Variants in DLEC1 observed in about 807,000 individuals in gnomAD.
DLEC1 encodes DLEC1 cilia and flagella associated protein, also known as deleted in lung and esophageal cancer protein 1.
DLEC1 carries 146 observed loss-of-function variants against 198.1 expected under a neutral mutation model. The ratio of observed to expected loss-of-function variants is 0.74; its 90% CI spans 0.64 to 0.85. The LOEUF is 0.85. Among genes scored for constraint, DLEC1 ranks in the 40% least tolerant of loss-of-function variants. DLEC1 has a pLI of 0.00. For missense variants in DLEC1, 2,233 were observed against 2,220.0 expected (o/e 1.01, Z -0.12); for synonymous variants, 897 against 866.8 (o/e 1.03, Z -0.61).
intron 10 of DLEC1, among the ~76,000 whole-genome samples, chr3:38,091,873 A>G (rs1182447230): frequency 6.6e-6 from 1 of 152,246 alleles, no homozygotes; most frequent in East Asian, 1.9e-4. Context: ...GAGGATGTAG[A>G]GAAAAGGGAA....
rs140518201 is a variant in DLEC1, at chr3:38,084,035, A to G, written c.1174-123A>G. 910 of 855,502 alleles carry G rather than the reference A, an allele frequency of 1.1e-3. 16 individuals are homozygous for G. The African/African-American group carries it at 0.014, about 13-fold the overall frequency. The allele number at this position is 855,502 out of a possible 1,614,324, so 53.0% of individuals were successfully genotyped here. On this transcript the variant is annotated intron_variant, in intron 6 of 36. Coordinates refer to ENST00000308059, the MANE Select transcript of DLEC1 (RefSeq NM_007335.4). ...TCAGCCAGCTTCGACAGTTACCAAC[A>G]TGTGGCCAAGCCTATTTCATTTCTA...
chr3:38,121,721 G>A lies in DLEC1; in HGVS notation c.4960G>A (p.Val1654Ile), dbSNP rs1180641516. The A allele has an allele frequency of 6.2e-7, 1 of 1,614,096 alleles. No homozygotes were observed. The highest frequency in any genetic ancestry group is 1.1e-5 in the South Asian group (1 of 91,090). The part of the protein sequence containing the change: ...FGTCFVSQQR[V>I]REVYLMNLSG... ...GACCTGCTTTGTGAGCCAGCAGCGA[G>A]TCCGGGAGGTCTACCTGATGAACCT... The change falls in exon 35 of 37, where the codon GTC (valine) becomes ATC (isoleucine). Residue 1654 changes from valine to isoleucine, a missense_variant. By Grantham distance (29) the Val-to-Ile change is conservative (BLOSUM62 3). Transcript: ENST00000308059.
At position 38,051,309 on chromosome 3, in the gene DLEC1, G is replaced by T. The variant is rs573093164; in HGVS notation, c.562+5616G>T. The stretch of plus-strand genomic sequence containing the variant: ...GGTGACAGCCGGGACTGATCGCTCA[G>T]CGGCAGTGGCGCAGAGGCCTCCTCC... On this transcript the variant is annotated intron_variant, in intron 2 of 36. Coordinates refer to ENST00000308059, the MANE Select transcript of DLEC1 (RefSeq NM_007335.4). 1.8e-3 allele frequency among the ~76,000 whole-genome samples: 269 copies of T among 152,366 alleles called. 2 individuals are homozygous for T. The highest frequency in any genetic ancestry group is 0.01 in the Middle Eastern group (3 of 294).
intron 5 of DLEC1, among the ~76,000 whole-genome samples, chr3:38,063,551 A>G (rs1025650907): frequency 6.6e-6 from 1 of 152,208 alleles, no homozygotes; most frequent in Non-Finnish European, 1.5e-5. Context: ...TGAGATACCT[A>G]TATTAAAAAC....
chr3:38,049,631 G>A (rs1701021090), intron 2 of DLEC1, among the ~76,000 whole-genome samples: 1 of 152,196 alleles, frequency 6.6e-6, no homozygotes, highest in Non-Finnish European at 1.5e-5. Context: ...CACAAGGCCA[G>A]AGCAGGCTTT....
At chr3:38,070,698 G>A (rs138481640) in intron 6 of DLEC1, among the ~76,000 whole-genome samples, 266 of 152,242 alleles carry the variant, frequency 1.7e-3, no homozygotes, top group Non-Finnish European at 2.9e-3. Flanking sequence ...AGTGGGAGTC[G>A]CAAGGTGCTC....
Position 38,122,781 on chromosome 3 carries a change from T to A in DLEC1, c.*369T>A. 3.5e-6 allele frequency: 4 copies of A among 1,136,220 alleles called. No homozygotes were observed. Among genetic ancestry groups the A allele is most frequent in the Non-Finnish European group, 4.8e-6 (4 of 835,004 alleles). 70.4% of individuals were successfully genotyped at this position (1,136,220 alleles called of 1,614,324 possible). On this transcript the variant is annotated 3_prime_UTR_variant, in exon 37 of 37. Coordinates refer to ENST00000308059, the MANE Select transcript of DLEC1 (RefSeq NM_007335.4). ...CATGGATTTGCCTTGCCTTAAGAAT[T>A]AACCATGGCCTTGTGGCCTGGGTGA...
At chr3:38,113,001 A>T (rs1457713775) in intron 25 of DLEC1, among the ~76,000 whole-genome samples, 2 of 152,198 alleles carry the variant, frequency 1.3e-5, no homozygotes, top group Non-Finnish European at 2.9e-5. Flanking sequence ...ATTTGCTTTA[A>T]ATTGTGTGTG....
At chr3:38,046,585 T>A (rs1700896890) in intron 2 of DLEC1, among the ~76,000 whole-genome samples, 1 of 152,142 alleles carries the variant, frequency 6.6e-6, no homozygotes. Flanking sequence ...AATTACACAG[T>A]CTCGGGTATT....
At chr3:38,077,429 A>C (rs374539656) in intron 6 of DLEC1, among the ~76,000 whole-genome samples, 2 of 152,212 alleles carry the variant, frequency 1.3e-5, no homozygotes, top group South Asian at 4.1e-4. Context: ...ATTTCTGAGA[A>C]GGGAAAGTGG....
chr3:38,111,138 CTGTG>C (rs914508198), intron 23 of DLEC1, among the ~76,000 whole-genome samples: 11 of 152,292 alleles, frequency 7.2e-5, no homozygotes, highest in Admixed American at 7.2e-4. Flanking sequence ...GGAATCTCCA[CTGTG>C]TGGACACCTC....
chr3:38,075,997 T>A (rs887304799), intron 6 of DLEC1, among the ~76,000 whole-genome samples: 4 of 152,128 alleles, frequency 2.6e-5, no homozygotes, highest in Non-Finnish European at 5.9e-5. Flanking sequence ...CAGAGAGGCA[T>A]CCCTGCAATG....
At chr3:38,042,473 C>T (rs1018717379) in intron 1 of DLEC1, among the ~76,000 whole-genome samples, 10 of 151,160 alleles carry the variant, frequency 6.6e-5, no homozygotes, top group Non-Finnish European at 1.3e-4. Flanking sequence ...GCAATGTACA[C>T]GAATTAATTT....
chr3:38,118,524 G>A lies in DLEC1; in HGVS notation c.4704+500G>A, dbSNP rs1182406533. Among the ~76,000 whole-genome samples the A allele has an allele frequency of 9.8e-5, 15 of 152,338 alleles. No homozygotes were observed. The East Asian group carries it at 2.7e-3, about 27-fold the overall frequency. Reference sequence around the variant, plus strand: ...GACAATTGGATCCTGGATTTTCAGAGTTGGTTAGGTAGGGGAAGGTCTTGG... The same window carrying A: ...GACAATTGGATCCTGGATTTTCAGAATTGGTTAGGTAGGGGAAGGTCTTGG... On this transcript the variant is annotated intron_variant, in intron 33 of 36. Coordinates refer to ENST00000308059, the MANE Select transcript of DLEC1 (RefSeq NM_007335.4).
In DLEC1 at chr3:38,111,708, G is replaced by C; in HGVS notation, c.3475G>C (p.Val1159Leu). ...CATGCCTCCTGCCCTGCTAAAGACA[G>C]TGCGGATGCAAGAGCACCTGGCCAA... is the stretch of plus-strand genomic sequence containing the variant. ...PNMPPALLKTVRMQEHLAKRE... is the reference protein window; with the variant it reads ...PNMPPALLKTLRMQEHLAKRE... Residue 1159 changes from valine to leucine, a missense_variant, in exon 24 of 37, where the codon GTG becomes CTG. Transcript: ENST00000308059. 1 of 1,613,436 alleles carries C rather than the reference G, an allele frequency of 6.2e-7. No homozygotes were observed. The highest frequency in any genetic ancestry group is 8.5e-7 in the Non-Finnish European group (1 of 1,179,816).
intron 2 of DLEC1, among the ~76,000 whole-genome samples, chr3:38,057,063 A>G (rs1043854895): frequency 1.3e-5 from 2 of 152,258 alleles, no homozygotes; most frequent in African/African-American, 4.8e-5. Context: ...TTGTATGTAC[A>G]GACAAGAAAA....
Position 38,114,410 on chromosome 3 carries a change from G to A in DLEC1, c.3735G>A (p.Leu1245=). 6.2e-7 allele frequency: 1 copy of A among 1,614,184 alleles called. No homozygotes were observed. The highest frequency in any genetic ancestry group is 1.3e-5 in the African/African-American group (1 of 75,052). ...CGGTGGGCTGCCCCATCAGCTCCCTGAGGACCACCTCCTACACTATTGACC... is the reference window on the plus strand; with the variant it reads ...CGGTGGGCTGCCCCATCAGCTCCCTAAGGACCACCTCCTACACTATTGACC... ...MAAVGCPISS[L]RTTSYTIDQA... Residue 1245 remains leucine, a synonymous_variant, in exon 26 of 37, where the codon CTG becomes CTA. Transcript: ENST00000308059.
chr3:38,050,285 A>G (rs1044029098), intron 2 of DLEC1, among the ~76,000 whole-genome samples: 1 of 152,012 alleles, frequency 6.6e-6, no homozygotes, highest in African/African-American at 2.4e-5. Context: ...GCCCAGGCTG[A>G]GTTTCCAGAT....
At position 38,111,742 on chromosome 3, in the gene DLEC1, A is replaced by C. The variant is rs773974314; in HGVS notation, c.3509A>C (p.Gln1170Pro). Residue 1170 changes from glutamine (Q) to proline (P), a missense_variant, in exon 24 of 37, where the codon CAG becomes CCG. By Grantham distance (76) the Gln-to-Pro change is moderately conservative. Transcript: ENST00000308059. ...RMQEHLAKRE[Q>P]LDFMESMLSH... Reference sequence around the variant, plus strand: ...CAAGAGCACCTGGCCAAGCGAGAGCAGCTGGGTAAGCGCCACCAGGGTGGG... The same window carrying C: ...CAAGAGCACCTGGCCAAGCGAGAGCCGCTGGGTAAGCGCCACCAGGGTGGG... 1.9e-6 allele frequency: 3 copies of C among 1,611,526 alleles called. No individual in the cohort carries two copies. The highest frequency in any genetic ancestry group is 1.7e-6 in the Non-Finnish European group (2 of 1,179,726).
Sources: allele counts gnomAD v4.1 joint callset (sites outside exome capture counted in the v4.1 genomes callset), GRCh38; gene constraint gnomAD v4.1.1; transcripts MANE v1.5; gene names NCBI Gene and HGNC (gene_info 2026-07-23, HGNC 2026-07-21).